VPS8: variants seen among roughly 807,000 people sequenced by gnomAD.
VPS8 encodes the protein VPS8 subunit of CORVET complex, also known as vacuolar protein sorting-associated protein 8 homolog.
A neutral mutation model predicts 216.4 loss-of-function variants in VPS8; 129 were observed. The ratio of observed to expected loss-of-function variants is 0.60; its 90% CI spans 0.52 to 0.69. VPS8 has a LOEUF of 0.69. Ranked by LOEUF, VPS8 falls within the 30% of genes least tolerant of loss-of-function variation. The pLI is 0.00. For missense variants in VPS8, 1,531 were observed against 1,683.5 expected (o/e 0.91, Z 1.59); for synonymous variants, 571 against 565.4 (o/e 1.01, Z -0.14).
At chr3:184,822,246 G>T (rs977705824) in intron 1 of VPS8, among the ~76,000 whole-genome samples, 20 of 152,054 alleles carry the variant, frequency 1.3e-4, no homozygotes, top group African/African-American at 4.8e-4. Context: ...AGACTCTTTG[G>T]CTTGTGTTCT....
chr3:184,812,517 T>G (rs1251414221), intron 1 of VPS8: 1 of 152,212 alleles, frequency 6.6e-6, no homozygotes, highest in Non-Finnish European at 1.5e-5. Context: ...TCAAATGGGC[T>G]TAAGTAAAAA....
At chr3:184,828,775 C>T (rs1168379933) in intron 3 of VPS8, among the ~76,000 whole-genome samples, 1 of 152,146 alleles carries the variant, frequency 6.6e-6, no homozygotes, top group Non-Finnish European at 1.5e-5. Flanking sequence ...GAGGAAGGTG[C>T]ACAAATCATA....
In VPS8 at chr3:185,004,498, A is replaced by C. The variant is rs555549019; in HGVS notation, c.4002+4637A>C. Among the ~76,000 whole-genome samples the C allele has an allele frequency of 4.3e-3, 642 of 150,540 alleles. 1 individual carries two copies. Among genetic ancestry groups the C allele is most frequent in the Non-Finnish European group, 7.6e-3 (512 of 67,658 alleles). On this transcript the variant is annotated intron_variant, in intron 45 of 47. Transcript: ENST00000625842. ...AGAGAGGGAGAGGGAGACCGTGGGG[A>C]GAGGGAGACCGCGGGGAGAGGGAGA...
At chr3:184,917,259 G>A (rs1737759193) in intron 28 of VPS8, among the ~76,000 whole-genome samples, 1 of 152,104 alleles carries the variant, frequency 6.6e-6, no homozygotes, top group South Asian at 2.1e-4. Context: ...ATGAGACAGA[G>A]CAATGAGTAT....
At chr3:184,894,979 A>G (rs1279576229) in intron 23 of VPS8, 54 bp downstream of exon 23, 7 of 1,445,062 alleles carry the variant, frequency 4.8e-6, no homozygotes, top group African/African-American at 1.4e-5. Context: ...TCCTTTATTG[A>G]TAACACTTAC....
At chr3:184,963,402 G>T (rs1746864427) in intron 37 of VPS8, among the ~76,000 whole-genome samples, 1 of 152,006 alleles carries the variant, frequency 6.6e-6, no homozygotes, top group African/African-American at 2.4e-5. Context: ...TATTAAATTT[G>T]TTCATAGTTA....
rs576730104 is a variant in VPS8 at position 184,883,453 on chromosome 3, T to C, written c.1735-2657T>C. ...CTAACACCTCTTCCCACATTTCTTA[T>C]GTCATCTTGTGACCTCTTCATTCAA... On this transcript the variant is annotated intron_variant, in intron 21 of 47. Transcript: ENST00000625842. Among the ~76,000 whole-genome samples, 120 of 152,326 alleles carry C rather than the reference T, an allele frequency of 7.9e-4. No homozygotes were observed. In the Middle Eastern group the frequency reaches 0.014, roughly 17 times the overall value.
At chr3:184,982,418 T>C (rs1054604286) in intron 40 of VPS8, 148 bp from the exon 41 acceptor site, 2 of 584,970 alleles carry the variant, frequency 3.4e-6, no homozygotes, top group Non-Finnish European at 3.0e-6. Context: ...AATATTTCCA[T>C]TTTTATTTTT....
intron 40 of VPS8, among the ~76,000 whole-genome samples, chr3:184,979,397 A>C (rs567317364): frequency 2.7e-4 from 41 of 152,230 alleles, no homozygotes; most frequent in African/African-American, 9.9e-4. Flanking sequence ...CTGTTAGTGG[A>C]GTATTGAAGT....
chr3:184,910,532 C>T (rs1241813429), intron 25 of VPS8, among the ~76,000 whole-genome samples: 1 of 152,186 alleles, frequency 6.6e-6, no homozygotes, highest in Non-Finnish European at 1.5e-5. Context: ...CATTCTTGAT[C>T]CTGGTTTTTT....
chr3:185,014,646 G>C (rs990835218), intron 45 of VPS8, among the ~76,000 whole-genome samples: 5 of 152,144 alleles, frequency 3.3e-5, no homozygotes, highest in African/African-American at 1.2e-4. Flanking sequence ...TTTAAAGTTA[G>C]TAATGCTAGA....
chr3:184,913,487 AATT>A, intron 25 of VPS8, 29 bp from the exon 26 acceptor site: 2 of 1,552,424 alleles, frequency 1.3e-6, no homozygotes, highest in Non-Finnish European at 1.7e-6. Flanking sequence ...TTTGAGAGAA[AATT>A]GCTGAAGATA....
chr3:184,930,778 A>G (rs970788615), intron 34 of VPS8, among the ~76,000 whole-genome samples: 1 of 152,230 alleles, frequency 6.6e-6, no homozygotes, highest in African/African-American at 2.4e-5. Context: ...AAACTAGCCC[A>G]TGTTCAATCA....
chr3:185,021,810 A>G (rs529225386), intron 45 of VPS8, among the ~76,000 whole-genome samples: 2 of 152,358 alleles, frequency 1.3e-5, no homozygotes, highest in East Asian at 3.9e-4. Context: ...GTGATAGGAA[A>G]TAGTATATTT....
At chr3:184,845,661 A>G (rs1481586967) in intron 8 of VPS8, among the ~76,000 whole-genome samples, 2 of 151,414 alleles carry the variant, frequency 1.3e-5, no homozygotes, top group African/African-American at 2.4e-5. Context: ...AGGCTGAGGC[A>G]GGAGAATAGC....
chr3:184,892,914 A>G (rs1303164798), intron 22 of VPS8, among the ~76,000 whole-genome samples: 4 of 152,028 alleles, frequency 2.6e-5, no homozygotes. Context: ...CAAATCTGAC[A>G]TTTTCTTTGA....
intron 3 of VPS8, among the ~76,000 whole-genome samples, chr3:184,830,245 A>G (rs1719707934): frequency 6.6e-6 from 1 of 152,158 alleles, no homozygotes; most frequent in Non-Finnish European, 1.5e-5. Flanking sequence ...CCTTTGTTAT[A>G]AATCAGGTAA....
At chr3:184,994,523 G>A (rs1257915899) in intron 43 of VPS8, among the ~76,000 whole-genome samples, 1 of 150,406 alleles carries the variant, frequency 6.6e-6, no homozygotes, top group African/African-American at 2.4e-5. Context: ...ACCTTAATTT[G>A]TGTACACACA....
chr3:185,012,021 G>T (rs1390930502), intron 45 of VPS8, among the ~76,000 whole-genome samples: 4 of 151,896 alleles, frequency 2.6e-5, no homozygotes, highest in Non-Finnish European at 5.9e-5. Context: ...TATCTAAAGT[G>T]AAAATTTTAT....
Sources: gnomAD v4.1 joint callset for allele counts (sites outside exome capture counted in the v4.1 genomes callset) on GRCh38, gnomAD v4.1.1 for gene constraint, MANE v1.5 for transcripts, NCBI Gene and HGNC (gene_info 2026-07-23, HGNC 2026-07-21) for gene names.